The following ALPK2 variants were observed in gnomAD, a reference collection of about 807,000 sequenced individuals.
ALPK2 encodes alpha-protein kinase 2.
Under a neutral mutation model 163.1 loss-of-function variants are expected in ALPK2, and 127 were observed. The ratio of observed to expected loss-of-function variants is 0.78; its 90% confidence interval spans 0.67 to 0.90. The LOEUF (loss-of-function observed/expected upper bound fraction) is 0.90, where lower values mean the gene tolerates loss of function less well. Among genes scored for constraint, ALPK2 ranks in the 40% least tolerant of loss-of-function variants. ALPK2 has a pLI of 0.00. For missense variants in ALPK2, 2,360 were observed against 2,589.6 expected, an observed-to-expected ratio of 0.91 and a Z score of 1.92; for synonymous variants, 953 against 959.1, an observed-to-expected ratio of 0.99 and a Z score of 0.12.
intron 4 of ALPK2, among the ~76,000 whole-genome samples, chr18:58,540,986 A>G (rs1056423286): frequency 9.9e-5 from 15 of 152,252 alleles, no homozygotes; most frequent in African/African-American, 3.6e-4. Context: ...AGTTTTCATT[A>G]GGATGAGCTT....
chr18:58,531,801 G>T (rs1416369683), intron 5 of ALPK2, among the ~76,000 whole-genome samples: 1 of 151,648 alleles, frequency 6.6e-6, no homozygotes, highest in Non-Finnish European at 1.5e-5. Flanking sequence ...AGCTGGGCAT[G>T]GTGGTGCACA....
intron 6 of ALPK2, among the ~76,000 whole-genome samples, chr18:58,527,691 A>G (rs2051591471): frequency 6.6e-6 from 1 of 152,200 alleles, no homozygotes. Flanking sequence ...AGCTCTAGGG[A>G]ACCTCCTTGA....
chr18:58,526,949 G>T (rs2051587856), intron 6 of ALPK2, among the ~76,000 whole-genome samples: 1 of 152,160 alleles, frequency 6.6e-6, no homozygotes, highest in Non-Finnish European at 1.5e-5. Context: ...TAACTTTTAG[G>T]TTTCTGTGCA....
At position 58,536,369 on chromosome 18, in the gene ALPK2, C is replaced by A. The variant is rs774318717; in HGVS notation, c.3818G>T (p.Trp1273Leu). The change falls in exon 5 of 13, where the codon TGG becomes TTG. Residue 1273 changes from tryptophan to leucine, a missense_variant. Coordinates refer to ENST00000361673, the MANE Select transcript of ALPK2 (RefSeq NM_052947.4). ...TGCCTTTAGACTATCAGGTACAGCC[C>A]AGACCTTGTCAGGAATTATGAGACC... ...DGGLIIPDKV[W>L]AVPDSLKADA... 6 of 1,614,082 alleles carry A rather than the reference C, an allele frequency of 3.7e-6. No homozygotes were observed. The highest frequency in any genetic ancestry group is 3.4e-6 in the Non-Finnish European group (4 of 1,180,026).
Position 58,597,924 on chromosome 18 carries a change from G to C in ALPK2, c.227+9398C>G, listed in dbSNP as rs148736795. On this transcript the variant is annotated intron_variant, in intron 3 of 12. Coordinates refer to ENST00000361673, the MANE Select transcript of ALPK2 (RefSeq NM_052947.4). The stretch of plus-strand genomic sequence containing the variant: ...CTCTCTCTTTCTCTCTGTCCCATGT[G>C]AGAACATAGTGAGAAGGCAGCTTCT... Among the ~76,000 whole-genome samples the C allele has an allele frequency of 1.1e-4, 16 of 152,340 alleles. No homozygotes were observed. In the East Asian group the frequency reaches 2.9e-3, roughly 28 times the overall value.
Position 58,481,684 on chromosome 18 carries a change from C to T in ALPK2, c.*139G>A, listed in dbSNP as rs924199270. 4 of 681,090 alleles carry T rather than the reference C, an allele frequency of 5.9e-6. No homozygotes were observed. Among genetic ancestry groups the T allele is most frequent in the Non-Finnish European group, 1.0e-5 (4 of 389,714 alleles). The allele number at this position is 681,090 out of a possible 1,614,324, so 42.2% of individuals were successfully genotyped here. ...AGACAGCAGGTGATGGGTTTAGAAG[C>T]ATCTTGGCGCACAGTCGGCTGGGAG... On this transcript the variant is annotated 3_prime_UTR_variant, in exon 13 of 13. Transcript: ENST00000361673.
chr18:58,493,782 A>G (rs1312411652), intron 12 of ALPK2, among the ~76,000 whole-genome samples: 1 of 152,174 alleles, frequency 6.6e-6, no homozygotes, highest in African/African-American at 2.4e-5. Flanking sequence ...CTCCGAGGGT[A>G]GAAAGATGCA....
intron 4 of ALPK2, 67 bp from the exon 5 acceptor site, chr18:58,538,291 A>G: frequency 7.2e-7 from 1 of 1,380,302 alleles, no homozygotes; most frequent in Non-Finnish European, 9.9e-7. Flanking sequence ...GCATAACTGC[A>G]ATCCCAAGAG....
At chr18:58,539,311 G>A (rs2051677555) in intron 4 of ALPK2, among the ~76,000 whole-genome samples, 1 of 152,132 alleles carries the variant, frequency 6.6e-6, no homozygotes, top group African/African-American at 2.4e-5. Context: ...GAAGATTCAG[G>A]ACTGCTTAGG....
At position 58,522,235 on chromosome 18, in the gene ALPK2, G is replaced by A. The variant is rs143633925; in HGVS notation, c.5665+1571C>T. 1.5e-3 allele frequency among the ~76,000 whole-genome samples: 227 copies of A among 152,260 alleles called. 1 individual carries two copies. The highest frequency in any genetic ancestry group is 5.2e-3 in the African/African-American group (214 of 41,542). ...CAGCTCCTGAGAGCTGATGACGGGC[G>A]GCTCTTCCCAGTCCCATGATGTGTG... On this transcript the variant is annotated intron_variant, in intron 8 of 12. Transcript: ENST00000361673.
chr18:58,626,236 A>G (rs2052229962), intron 1 of ALPK2, among the ~76,000 whole-genome samples: 1 of 152,172 alleles, frequency 6.6e-6, no homozygotes, highest in South Asian at 2.1e-4. Flanking sequence ...GAGCTAGCCC[A>G]CAAGCCCGCT....
chr18:58,559,701 C>A (rs796894004), intron 4 of ALPK2, among the ~76,000 whole-genome samples: 11 of 152,252 alleles, frequency 7.2e-5, no homozygotes, highest in African/African-American at 2.6e-4. Context: ...TGGCTTCATG[C>A]CAGGTAGATT....
intron 10 of ALPK2, among the ~76,000 whole-genome samples, chr18:58,508,914 A>G (rs564332977): frequency 3.2e-4 from 48 of 151,278 alleles, no homozygotes; most frequent in African/African-American, 1.1e-3. Flanking sequence ...TTTAAGTTTT[A>G]GGGTACATGT....
chr18:58,623,511 G>A (rs1266507396), intron 1 of ALPK2, among the ~76,000 whole-genome samples: 9 of 151,638 alleles, frequency 5.9e-5, no homozygotes, highest in South Asian at 4.2e-4. Flanking sequence ...CTTTCACCCC[G>A]CTGGAGTGCA....
intron 3 of ALPK2, among the ~76,000 whole-genome samples, chr18:58,582,804 G>T (rs2051966165): frequency 6.6e-6 from 1 of 152,046 alleles, no homozygotes; most frequent in Non-Finnish European, 1.5e-5. Context: ...GGGGGGTGGG[G>T]GCAAGATTAT....
chr18:58,565,770 CCTTTCTTTCTTTCTTT>C (rs879522857), intron 4 of ALPK2, among the ~76,000 whole-genome samples: 3 of 80,560 alleles, frequency 3.7e-5, no homozygotes, highest in Non-Finnish European at 8.4e-5. Flanking sequence ...TTCCTTCCTT[CCTTTCTTTCTTTCTTT>C]CTTCCTTTCT....
intron 4 of ALPK2, among the ~76,000 whole-genome samples, chr18:58,555,456 G>A (rs1212054856): frequency 6.6e-6 from 1 of 152,190 alleles, no homozygotes; most frequent in Admixed American, 6.5e-5. Flanking sequence ...AAGAGCAAAG[G>A]TAAGCACTGA....
At chr18:58,600,594 T>C (rs1290498527) in intron 3 of ALPK2, 1 of 152,044 alleles carries the variant, frequency 6.6e-6, no homozygotes, top group African/African-American at 2.4e-5. Context: ...ACATGAGAAA[T>C]AAATGAGAAT....
intron 10 of ALPK2, among the ~76,000 whole-genome samples, chr18:58,513,022 T>A (rs2051501666): frequency 7.4e-6 from 1 of 134,668 alleles, no homozygotes; most frequent in Non-Finnish European, 1.6e-5. Flanking sequence ...GGGGTGTGTG[T>A]GGTGTGTGGT....
Sources: allele counts gnomAD v4.1 joint callset (sites outside exome capture counted in the v4.1 genomes callset), GRCh38; gene constraint gnomAD v4.1.1; transcripts MANE v1.5; gene names NCBI Gene and HGNC (gene_info 2026-07-23, HGNC 2026-07-21).